The following MYO1E variants were observed in gnomAD, a reference collection of about 807,000 sequenced individuals.
MYO1E encodes unconventional myosin-Ie.
Under a neutral mutation model 151.1 loss-of-function variants are expected in MYO1E, and 68 were observed. The observed-to-expected ratio is 0.45, with a 90% CI of 0.37 to 0.55. The LOEUF (loss-of-function observed/expected upper bound fraction) is 0.55, where lower values mean the gene tolerates loss of function less well. Ranked by LOEUF, MYO1E falls within the 20% of genes least tolerant of loss-of-function variation. The probability of loss-of-function intolerance (pLI) is 0.00; values close to 1 mark genes in which losing one functional copy is unlikely to be tolerated. For synonymous variants in MYO1E, 601 were observed against 501.7 expected, an observed-to-expected ratio of 1.20 and a Z score of -2.64; for missense variants, 1,363 against 1,389.3, an observed-to-expected ratio of 0.98 and a Z score of 0.30.
At chr15:59,233,274 G>A (rs1378038191) in intron 5 of MYO1E, among the ~76,000 whole-genome samples, 1 of 151,858 alleles carries the variant, frequency 6.6e-6, no homozygotes, top group Non-Finnish European at 1.5e-5. Context: ...CCATCCGTCC[G>A]TCCATATGTA....
chr15:59,308,582 G>C (rs2080529948), intron 1 of MYO1E, among the ~76,000 whole-genome samples: 1 of 151,486 alleles, frequency 6.6e-6, no homozygotes, highest in Non-Finnish European at 1.5e-5. Context: ...TGAGGCAGGA[G>C]AATCACTTGA....
intron 10 of MYO1E, among the ~76,000 whole-genome samples, chr15:59,217,355 C>T (rs2079925149): frequency 6.6e-6 from 1 of 151,404 alleles, no homozygotes; most frequent in African/African-American, 2.4e-5. Context: ...AATATTTTGT[C>T]CAGAAGAAAC....
intron 5 of MYO1E, among the ~76,000 whole-genome samples, chr15:59,233,362 T>C (rs570104227): frequency 2.6e-4 from 40 of 152,124 alleles, no homozygotes; most frequent in African/African-American, 9.4e-4. Context: ...AAGAGCAAAC[T>C]GAGGTAAAAG....
In MYO1E at chr15:59,208,722, T is replaced by G; in HGVS notation, c.1489A>C (p.Ser497Arg). ...TGAATGATGAAGCCTTGGTTCCAAC[T>G]GTTGAAGTGCTCATGACTCCCAATC... ...MQIGSHEHFN[S>R]WNQGFIIHHY... Residue 497 changes from serine to arginine, a missense_variant, in exon 14 of 28, where the codon AGT becomes CGT. Ser to Arg is a moderately radical substitution (Grantham distance 110). Coordinates refer to ENST00000288235, the MANE Select transcript of MYO1E (RefSeq NM_004998.4). 6.2e-7 allele frequency: 1 copy of G among 1,614,204 alleles called. No homozygotes were observed. Among genetic ancestry groups the G allele is most frequent in the Non-Finnish European group, 8.5e-7 (1 of 1,180,038 alleles).
intron 26 of MYO1E, among the ~76,000 whole-genome samples, chr15:59,142,920 CAAAAAA>C (rs10717979): frequency 1.0e-4 from 9 of 87,224 alleles, no homozygotes; most frequent in Middle Eastern, 5.6e-3. Flanking sequence ...TAATTAGGTG[CAAAAAA>C]AAAAAAAAAA....
At chr15:59,339,458 C>T (rs1381494631) in intron 1 of MYO1E, among the ~76,000 whole-genome samples, 1 of 152,198 alleles carries the variant, frequency 6.6e-6, no homozygotes, top group Non-Finnish European at 1.5e-5. Flanking sequence ...ATTGGTATTT[C>T]TCAACTTCAC....
At chr15:59,323,821 G>C (rs2080644280) in intron 1 of MYO1E, among the ~76,000 whole-genome samples, 1 of 152,094 alleles carries the variant, frequency 6.6e-6, no homozygotes, top group Non-Finnish European at 1.5e-5. Context: ...GGTGCAGCCA[G>C]AGAGGGGTCT....
At chr15:59,209,992 G>A (rs56953019) in intron 13 of MYO1E, among the ~76,000 whole-genome samples, 1 of 151,354 alleles carries the variant, frequency 6.6e-6, no homozygotes, top group Non-Finnish European at 1.5e-5. Flanking sequence ...GTGCCACCAT[G>A]CCTGGCTAAT....
At chr15:59,257,892 T>C (rs2080203116) in intron 3 of MYO1E, among the ~76,000 whole-genome samples, 1 of 152,140 alleles carries the variant, frequency 6.6e-6, no homozygotes, top group Non-Finnish European at 1.5e-5. Context: ...ACAATAAGAT[T>C]GTGCAGGATT....
At chr15:59,185,515 C>T (rs1469637959) in intron 18 of MYO1E, among the ~76,000 whole-genome samples, 1 of 152,186 alleles carries the variant, frequency 6.6e-6, no homozygotes, top group Non-Finnish European at 1.5e-5. Context: ...GATATGCCCA[C>T]CTCGGCCTCC....
intron 26 of MYO1E, among the ~76,000 whole-genome samples, chr15:59,151,461 A>G (rs1029490333): frequency 1.3e-5 from 2 of 151,412 alleles, no homozygotes; most frequent in African/African-American, 2.5e-5. Flanking sequence ...AAAAAAACCA[A>G]CTAAGGTGCT....
intron 23 of MYO1E, among the ~76,000 whole-genome samples, chr15:59,162,590 G>C (rs1401464916): frequency 1.3e-5 from 2 of 150,158 alleles, no homozygotes; most frequent in Non-Finnish European, 3.0e-5. Flanking sequence ...AGGTTGCAGT[G>C]AGCCAAGGTC....
At chr15:59,367,578 A>G (rs1005366131) in intron 1 of MYO1E, among the ~76,000 whole-genome samples, 13 of 152,220 alleles carry the variant, frequency 8.5e-5, no homozygotes, top group Admixed American at 5.9e-4. Flanking sequence ...TAGAGAATGC[A>G]TAGGCTGAAA....
intron 1 of MYO1E, among the ~76,000 whole-genome samples, chr15:59,310,345 T>C (rs1003505460): frequency 7.9e-5 from 12 of 152,234 alleles, no homozygotes; most frequent in African/African-American, 2.7e-4. Flanking sequence ...TATCTGTGAA[T>C]GTGACCTAAT....
intron 15 of MYO1E, among the ~76,000 whole-genome samples, chr15:59,203,016 G>T (rs2079811515): frequency 6.6e-6 from 1 of 152,180 alleles, no homozygotes; most frequent in African/African-American, 2.4e-5. Flanking sequence ...GAAGTGTTGG[G>T]ACTACAGGCA....
chr15:59,179,092 C>T (rs941062305), intron 18 of MYO1E, among the ~76,000 whole-genome samples: 8 of 152,134 alleles, frequency 5.3e-5, no homozygotes, highest in Non-Finnish European at 1.2e-4. Flanking sequence ...TGCATTTCTT[C>T]GAGAATGGCC....
At chr15:59,369,522 G>A (rs529863578) in intron 1 of MYO1E, among the ~76,000 whole-genome samples, 8 of 152,160 alleles carry the variant, frequency 5.3e-5, no homozygotes, top group Admixed American at 3.9e-4. Context: ...CAGATTCTAC[G>A]AAGGAAGCCT....
rs1205310184 is a variant in MYO1E at position 59,350,444 on chromosome 15, G to A, written c.3+22054C>T. On this transcript the variant is annotated intron_variant, in intron 1 of 27. Transcript: ENST00000288235. This position sits in a 1 kb window ranked among gnomAD's most constrained non-coding sequence, Gnocchi z 5.0. ...TGTAGATGAAATTGAAAAGGATAAAGGGTACAGCCTCTATCATTGAATAAA... is the reference window on the plus strand; with the variant it reads ...TGTAGATGAAATTGAAAAGGATAAAAGGTACAGCCTCTATCATTGAATAAA... Among the ~76,000 whole-genome samples the A allele has an allele frequency of 3.3e-5, 5 of 152,220 alleles. No individual in the cohort carries two copies. The highest frequency in any genetic ancestry group is 1.2e-4 in the African/African-American group (5 of 41,454).
chr15:59,315,321 T>G (rs1173342440), intron 1 of MYO1E, among the ~76,000 whole-genome samples: 1 of 152,168 alleles, frequency 6.6e-6, no homozygotes, highest in African/African-American at 2.4e-5. Context: ...TGTTTTGACC[T>G]GATTGCCATC....
Sources: gnomAD v4.1 joint callset for allele counts (sites outside exome capture counted in the v4.1 genomes callset) on GRCh38, gnomAD v4.1.1 for gene constraint, Gnocchi (gnomAD v3.1) non-coding constraint, MANE v1.5 for transcripts, NCBI Gene and HGNC (gene_info 2026-07-23, HGNC 2026-07-21) for gene names.